NOL9: variants seen among roughly 807,000 people sequenced by gnomAD.
NOL9 encodes the protein nucleolar protein 9.
Under a neutral mutation model 67.9 loss-of-function variants are expected in NOL9, and 28 were observed. The ratio of observed to expected loss-of-function variants is 0.41; its 90% CI spans 0.31 to 0.57. NOL9 has a LOEUF of 0.57. NOL9 is among the 20% of genes least tolerant of loss of function. The pLI is 0.25. For missense variants in NOL9, 777 were observed against 897.0 expected (o/e 0.87, Z 1.71); for synonymous variants, 356 against 352.2 (o/e 1.01, Z -0.12).
At position 6,530,282 on chromosome 1, in the gene NOL9, G is replaced by A. The variant is rs138930305; in HGVS notation, c.1648-1111C>T. ...AGCCTGGCTAACATGGTGAAACCCC[G>A]TTTCTACTAAAAATACAAAAGATTA... On this transcript the variant is annotated intron_variant, in intron 9 of 11. Coordinates refer to ENST00000377705, the MANE Select transcript of NOL9 (RefSeq NM_024654.5). Among the ~76,000 whole-genome samples the A allele has an allele frequency of 7.1e-3, 1,073 of 151,934 alleles. 9 individuals carry two copies. Among genetic ancestry groups the A allele is most frequent in the African/African-American group, 0.023 (972 of 41,464 alleles).
intron 6 of NOL9, among the ~76,000 whole-genome samples, chr1:6,537,190 C>T (rs1639174323): frequency 1.3e-5 from 2 of 151,706 alleles, no homozygotes; most frequent in South Asian, 2.1e-4. Context: ...TGGTTATCCA[C>T]GGGGAGAAGA....
intron 11 of NOL9, 98 bp from the exon 12 acceptor site, chr1:6,526,101 T>C (rs2148647585): frequency 9.3e-7 from 1 of 1,079,754 alleles, no homozygotes; most frequent in Non-Finnish European, 1.4e-6. Context: ...GTCATGGTGA[T>C]GGTCTGGGTG....
chr1:6,528,946 T>G, intron 10 of NOL9, 48 bp downstream of exon 10: 1 of 1,577,344 alleles, frequency 6.3e-7, no homozygotes, highest in East Asian at 2.2e-5. Context: ...GTTGAAGCAG[T>G]GGATCCTTTT....
chr1:6,552,638 T>C (rs1639568126), intron 1 of NOL9, among the ~76,000 whole-genome samples: 1 of 151,506 alleles, frequency 6.6e-6, no homozygotes. Flanking sequence ...GTGCTGGGAT[T>C]ACAGGCGTGA....
chr1:6,550,717 CTT>C (rs1639527913), intron 1 of NOL9, 102 bp from the exon 2 acceptor site: 1 of 850,950 alleles, frequency 1.2e-6, no homozygotes, highest in Non-Finnish European at 1.7e-6. Flanking sequence ...GAGTTTTGCT[CTT>C]GTTGCCCAGG....
At chr1:6,538,792 G>A (rs1220121592) in intron 6 of NOL9, among the ~76,000 whole-genome samples, 1 of 152,092 alleles carries the variant, frequency 6.6e-6, no homozygotes, top group Non-Finnish European at 1.5e-5. Flanking sequence ...AGACCAGCCT[G>A]GCCAATGTGG....
At chr1:6,545,851 T>G (rs767001884) in intron 3 of NOL9, among the ~76,000 whole-genome samples, 5 of 136,386 alleles carry the variant, frequency 3.7e-5, no homozygotes, top group African/African-American at 5.5e-5. Flanking sequence ...GAGGTGGAGG[T>G]TGCAGTGAGT....
chr1:6,526,066 T>G (rs1638877870), intron 11 of NOL9, 63 bp from the exon 12 acceptor site: 1 of 1,449,368 alleles, frequency 6.9e-7, no homozygotes, highest in South Asian at 1.1e-5. Flanking sequence ...GGGTTTACAG[T>G]GCTCTCTCAC....
chr1:6,543,835 T>C (rs992851096), intron 5 of NOL9, among the ~76,000 whole-genome samples: 4 of 151,858 alleles, frequency 2.6e-5, no homozygotes, highest in Non-Finnish European at 5.9e-5. Context: ...AACAAAAAAA[T>C]TAGCCAGAGG....
chr1:6,550,466 T>A lies in NOL9; in HGVS notation c.546A>T (p.Ser182=). Residue 182 remains serine, a synonymous_variant, in exon 2 of 12, where the codon TCA becomes TCT. Transcript: ENST00000377705. Reference sequence around the variant, plus strand: ...GTTCCTTCTTGCTTTTCTCAGGCTGTGAGTAGTGAAGTGCATGGATACTCA... The same window carrying A: ...GTTCCTTCTTGCTTTTCTCAGGCTGAGAGTAGTGAAGTGCATGGATACTCA... ...SCLSIHALHY[S]QPEKSKKELK... 1 of 1,614,102 alleles carries A rather than the reference T, an allele frequency of 6.2e-7. No homozygotes were observed. Among genetic ancestry groups the A allele is most frequent in the Non-Finnish European group, 8.5e-7 (1 of 1,180,028 alleles).
At position 6,532,034 on chromosome 1, in the gene NOL9, G is replaced by A. The variant is rs756262245; in HGVS notation, c.1581C>T (p.Tyr527=). 3 of 1,614,170 alleles carry A rather than the reference G, an allele frequency of 1.9e-6. No homozygotes were observed. The Admixed American group carries it at 5.0e-5, about 27-fold the overall frequency. The change falls in exon 9 of 12, where the codon TAC becomes TAT. Residue 527 remains tyrosine (Y), a synonymous_variant. Transcript: ENST00000377705. ...KILRDLSILS[Y]LSQLQPPMPK... ...GCATCGGGGGCTGCAGCTGGCTAAG[G>A]TAACTCAAGATGGACAGATCTCGAA...
At chr1:6,539,134 TCAGA>T (rs1306389833) in intron 6 of NOL9, among the ~76,000 whole-genome samples, 1 of 152,120 alleles carries the variant, frequency 6.6e-6, no homozygotes, top group Non-Finnish European at 1.5e-5. Flanking sequence ...TCACACAAAC[TCAGA>T]CAGCTATAAT....
intron 11 of NOL9, 79 bp downstream of exon 11, chr1:6,526,617 C>T: frequency 3.5e-6 from 5 of 1,427,468 alleles, no homozygotes; most frequent in East Asian, 2.3e-5. Flanking sequence ...ATTCCCATGA[C>T]CCCTGACCCT....
intron 2 of NOL9, among the ~76,000 whole-genome samples, chr1:6,550,039 T>A (rs1253859158): frequency 2.5e-4 from 3 of 11,948 alleles, no homozygotes; most frequent in African/African-American, 3.1e-4. Context: ...CTAAAATAAT[T>A]TTTTTTTTTT....
At chr1:6,532,199 T>C (rs1239330143) in intron 8 of NOL9, 120 bp from the exon 9 acceptor site, 1 of 815,100 alleles carries the variant, frequency 1.2e-6, no homozygotes, top group East Asian at 2.6e-5. Flanking sequence ...CTGCCCCCCC[T>C]TGACGGACCC....
In NOL9 at chr1:6,533,251, C is replaced by T. The variant is rs1279590639; in HGVS notation, c.1237+29G>A. 3.2e-6 allele frequency: 5 copies of T among 1,547,392 alleles called. No individual in the cohort carries two copies. The Admixed American group carries it at 7.9e-5, about 24-fold the overall frequency. On this transcript the variant is annotated intron_variant, in intron 7 of 11. Transcript: ENST00000377705. ...AACAGTACTCACACTGCCTGTCCTT[C>T]CCTTGCAGATGTGCACATGCAGGCT... is the stretch of plus-strand genomic sequence containing the variant.
intron 6 of NOL9, among the ~76,000 whole-genome samples, chr1:6,538,069 T>G (rs1639196577): frequency 6.7e-6 from 1 of 149,364 alleles, no homozygotes; most frequent in Non-Finnish European, 1.5e-5. Context: ...ATAAAAAAAT[T>G]TAAAAAGTTA....
In NOL9 at chr1:6,532,239, CTCCTT is replaced by C. The variant is rs1247998706; in HGVS notation, c.1536-165_1536-161del. ...TGGAAAAACAGGAAGTGTAAAGACT[CTCCTT>C]TAAGTCAAAGTTGCTGGCAGCCAGA... On this transcript the variant is annotated intron_variant, in intron 8 of 11. Transcript: ENST00000377705. 45 of 725,798 alleles carry C rather than the reference CTCCTT, an allele frequency of 6.2e-5. No individual in the cohort carries two copies. In the East Asian group the frequency reaches 1.1e-3, roughly 17 times the overall value. 45.0% of individuals were successfully genotyped at this position (725,798 alleles called of 1,614,324 possible).
chr1:6,526,036 A>G (rs1481492767), intron 11 of NOL9, 33 bp from the exon 12 acceptor site: 1 of 1,603,644 alleles, frequency 6.2e-7, no homozygotes, highest in African/African-American at 1.3e-5. Flanking sequence ...GCATGGAAAC[A>G]CTCCAGGTCC....
Sources: allele counts gnomAD v4.1 joint callset (sites outside exome capture counted in the v4.1 genomes callset), GRCh38; gene constraint gnomAD v4.1.1; transcripts MANE v1.5; gene names NCBI Gene and HGNC (gene_info 2026-07-23, HGNC 2026-07-21).